SLC12A1: variants seen among roughly 807,000 people sequenced by gnomAD.
SLC12A1 encodes solute carrier family 12 member 1.
SLC12A1 carries 89 observed loss-of-function variants against 130.4 expected under a neutral mutation model. That is an observed-to-expected ratio of 0.68 (90% CI 0.58 to 0.81). The LOEUF is 0.81. SLC12A1 is among the 40% of genes least tolerant of loss of function. The pLI, the probability that SLC12A1 is intolerant of heterozygous loss-of-function variation, is 0.00. For missense variants in SLC12A1, 1,310 were observed against 1,336.4 expected, an observed-to-expected ratio of 0.98 and a Z score of 0.31; for synonymous variants, 499 against 460.0, an observed-to-expected ratio of 1.08 and a Z score of -1.09.
chr15:48,226,608 G>C, intron 5 of SLC12A1, 37 bp downstream of exon 5: 1 of 1,296,012 alleles, frequency 7.7e-7, no homozygotes. Flanking sequence ...CTCATCACTT[G>C]CTACGGGTAG....
At chr15:48,259,089 G>A in intron 16 of SLC12A1, 111 bp from the exon 17 acceptor site, 1 of 676,382 alleles carries the variant, frequency 1.5e-6, no homozygotes, top group South Asian at 1.9e-5. Flanking sequence ...ATAGATAGGG[G>A]AGAGGTTGCC....
intron 3 of SLC12A1, 63 bp from the exon 4 acceptor site, chr15:48,220,858 A>T (rs1318488285): frequency 6.2e-7 from 1 of 1,608,752 alleles, no homozygotes; most frequent in African/African-American, 1.3e-5. Flanking sequence ...CTTTATGAAG[A>T]GCCCCGGGTT....
chr15:48,281,160 A>G (rs2042005335), intron 20 of SLC12A1, among the ~76,000 whole-genome samples: 1 of 152,166 alleles, frequency 6.6e-6, no homozygotes, highest in African/African-American at 2.4e-5. Flanking sequence ...TGGTCAAGTT[A>G]CCCATCCTCT....
rs1012241063 is a variant in SLC12A1 at position 48,242,822 on chromosome 15, A to C, written c.1300+1223A>C. On this transcript the variant is annotated intron_variant, in intron 10 of 26. Transcript: ENST00000380993. The stretch of plus-strand genomic sequence containing the variant: ...GTGTCAAAAATAAATAAATAGGTAG[A>C]TAAATGTATTGTTGGGGCATGTCCA... Among the ~76,000 whole-genome samples the C allele has an allele frequency of 2.0e-5, 3 of 151,732 alleles. No individual in the cohort carries two copies. The East Asian group carries it at 5.8e-4, about 29-fold the overall frequency.
At position 48,303,085 on chromosome 15, in the gene SLC12A1, C is replaced by A; in HGVS notation, c.*200C>A. ...TCTCAGCTTAAGGGGTTGTCAAAGC[C>A]AATGTTATCCCTAGAAAAACATTTT... On this transcript the variant is annotated 3_prime_UTR_variant, in exon 27 of 27. Transcript: ENST00000380993. 2.6e-6 allele frequency: 1 copy of A among 387,264 alleles called. No homozygotes were observed. The highest frequency in any genetic ancestry group is 4.4e-5 in the Admixed American group (1 of 22,590). The allele number at this position is 387,264 out of a possible 1,614,324, so 24.0% of individuals were successfully genotyped here.
chr15:48,238,487 G>A (rs1567315954), intron 9 of SLC12A1, among the ~76,000 whole-genome samples: 1 of 152,106 alleles, frequency 6.6e-6, no homozygotes, highest in Non-Finnish European at 1.5e-5. Flanking sequence ...AAAAGAGACA[G>A]AGCTAAGAAG....
In SLC12A1 at chr15:48,240,054, TATATATATATATATATC is replaced by T. The variant is rs1567316962; in HGVS notation, c.1216-1460_1216-1444del. 4.0e-4 allele frequency among the ~76,000 whole-genome samples: 32 copies of T among 80,828 alleles called. 5 individuals are homozygous for T. Among genetic ancestry groups the T allele is most frequent in the Non-Finnish European group, 6.2e-4 (27 of 43,244 alleles). The allele number at this position is 80,828 out of a possible 152,430, so 53.0% of individuals were successfully genotyped here. On this transcript the variant is annotated intron_variant, in intron 9 of 26. Coordinates refer to ENST00000380993, the MANE Select transcript of SLC12A1 (RefSeq NM_000338.3). ...CCATATATATATATATATATCCATA[TATATATATATATATATC>T]CATATATATATATATATATCCATAT...
chr15:48,217,028 C>T, intron 2 of SLC12A1, among the ~76,000 whole-genome samples: 1 of 152,096 alleles, frequency 6.6e-6, no homozygotes, highest in East Asian at 1.9e-4. Flanking sequence ...GTGGAAAATA[C>T]ACACTGAATA....
intron 20 of SLC12A1, among the ~76,000 whole-genome samples, chr15:48,279,494 T>A (rs1418982738): frequency 6.6e-6 from 1 of 152,224 alleles, no homozygotes; most frequent in African/African-American, 2.4e-5. Flanking sequence ...CACAGGCTTA[T>A]GTGAGAATAA....
chr15:48,297,518 T>A lies in SLC12A1; in HGVS notation c.2961-1622T>A, dbSNP rs143482467. On this transcript the variant is annotated intron_variant, in intron 24 of 26. Coordinates refer to ENST00000380993, the MANE Select transcript of SLC12A1 (RefSeq NM_000338.3). Reference sequence around the variant, plus strand: ...ACAACCAGCAACCTCTACTCCACCTTCTATTTCTTAGGAAACTATTTTTGT... The same window carrying A: ...ACAACCAGCAACCTCTACTCCACCTACTATTTCTTAGGAAACTATTTTTGT... 1.2e-4 allele frequency among the ~76,000 whole-genome samples: 18 copies of A among 152,336 alleles called. No homozygotes were observed. The East Asian group carries it at 3.3e-3, about 28-fold the overall frequency.
intron 13 of SLC12A1, among the ~76,000 whole-genome samples, chr15:48,249,176 G>C: frequency 6.6e-6 from 1 of 152,130 alleles, no homozygotes; most frequent in South Asian, 2.1e-4. Flanking sequence ...ATTTCAACTG[G>C]GGAGTTTTCG....
intron 15 of SLC12A1, among the ~76,000 whole-genome samples, chr15:48,252,061 G>A (rs2041654784): frequency 6.6e-6 from 1 of 151,996 alleles, no homozygotes; most frequent in Admixed American, 6.6e-5. Flanking sequence ...AAATTAGCTG[G>A]GTGTGGTGGC....
intron 10 of SLC12A1, among the ~76,000 whole-genome samples, chr15:48,243,359 TAA>T (rs957116022): frequency 1.2e-4 from 18 of 152,042 alleles, no homozygotes; most frequent in Non-Finnish European, 1.5e-5. Context: ...CTCTTTCAGA[TAA>T]AAGAGTCTAT....
At chr15:48,247,068 T>G in intron 12 of SLC12A1, 52 bp downstream of exon 12, 1 of 1,386,932 alleles carries the variant, frequency 7.2e-7, no homozygotes, top group South Asian at 1.2e-5. Context: ...TTCCACAGAA[T>G]GTGAATCAAG....
chr15:48,269,539 T>C, intron 18 of SLC12A1, 119 bp from the exon 19 acceptor site: 1 of 538,288 alleles, frequency 1.9e-6, no homozygotes, highest in Non-Finnish European at 3.4e-6. Flanking sequence ...TAAAATGTAA[T>C]CTAATCTTCA....
At chr15:48,257,249 G>A (rs2041718136) in intron 16 of SLC12A1, among the ~76,000 whole-genome samples, 1 of 152,084 alleles carries the variant, frequency 6.6e-6, no homozygotes, top group African/African-American at 2.4e-5. Context: ...CCTCCCTCCT[G>A]GCTGCTTTCA....
At chr15:48,297,268 T>C (rs1242879193) in intron 24 of SLC12A1, among the ~76,000 whole-genome samples, 1 of 152,238 alleles carries the variant, frequency 6.6e-6, no homozygotes, top group Non-Finnish European at 1.5e-5. Flanking sequence ...ATTACTGAGC[T>C]CAGGGTCCAG....
chr15:48,273,100 CAAAAA>C (rs58343718), intron 19 of SLC12A1, among the ~76,000 whole-genome samples: 2 of 82,002 alleles, frequency 2.4e-5, no homozygotes, highest in Non-Finnish European at 2.7e-5. Flanking sequence ...GTCAGACTGT[CAAAAA>C]AAAAAAAAAA....
rs1319204811 is a variant in SLC12A1 at position 48,303,232 on chromosome 15, G to A, written c.*347G>A. 2 of 168,006 alleles carry A rather than the reference G, an allele frequency of 1.2e-5. No homozygotes were observed. The highest frequency in any genetic ancestry group is 2.5e-5 in the Non-Finnish European group (2 of 78,892). 10.4% of individuals were successfully genotyped at this position (168,006 alleles called of 1,614,324 possible). ...TTAACCTTTTGTTTCTTAATTTTTT[G>A]TTTTGAGTGTTTGCTTCTCAGCCCT... On this transcript the variant is annotated 3_prime_UTR_variant, in exon 27 of 27. Transcript: ENST00000380993.
Sources: gnomAD v4.1 joint callset for allele counts (sites outside exome capture counted in the v4.1 genomes callset) on GRCh38, gnomAD v4.1.1 for gene constraint, MANE v1.5 for transcripts, NCBI Gene and HGNC (gene_info 2026-07-23, HGNC 2026-07-21) for gene names.